CSMD1: variants seen among roughly 807,000 people sequenced by gnomAD.
CSMD1 encodes CUB and sushi domain-containing protein 1.
A neutral mutation model predicts 417.5 loss-of-function variants in CSMD1; 213 were observed. The observed-to-expected ratio is 0.51, with a 90% CI of 0.46 to 0.57. CSMD1 has a LOEUF of 0.57. Among genes scored for constraint, CSMD1 ranks in the 20% least tolerant of loss-of-function variants. CSMD1 has a pLI of 0.00. For synonymous variants in CSMD1, 2,862 were observed against 1,736.8 expected (o/e 1.65, Z -16.11); for missense variants, 6,923 against 4,529.7 (o/e 1.53, Z -15.17).
chr8:4,184,717 G>A (rs903637821), intron 3 of CSMD1, among the ~76,000 whole-genome samples: 1 of 152,086 alleles, frequency 6.6e-6, no homozygotes, highest in Non-Finnish European at 1.5e-5. Flanking sequence ...GAGGAGGGAG[G>A]GGACCGTGAA....
At chr8:3,109,402 T>G (rs184777680) in intron 43 of CSMD1, among the ~76,000 whole-genome samples, 2 of 152,356 alleles carry the variant, frequency 1.3e-5, no homozygotes, top group East Asian at 3.9e-4. Context: ...GCAGTTTCAT[T>G]GTGGTCAACC....
intron 4 of CSMD1, among the ~76,000 whole-genome samples, chr8:4,007,569 C>A (rs542209104): frequency 6.6e-6 from 1 of 152,298 alleles, no homozygotes; most frequent in African/African-American, 2.4e-5. Flanking sequence ...GCTTACCTCT[C>A]GGTGCGTGCT....
At chr8:3,379,111 A>C (rs924431767) in intron 18 of CSMD1, among the ~76,000 whole-genome samples, 3 of 152,212 alleles carry the variant, frequency 2.0e-5, no homozygotes, top group Non-Finnish European at 2.9e-5. Context: ...TAATAGACAA[A>C]CAGAGAGCCA....
chr8:4,921,502 T>A (rs1806497538), intron 1 of CSMD1, among the ~76,000 whole-genome samples: 1 of 152,258 alleles, frequency 6.6e-6, no homozygotes, highest in East Asian at 1.9e-4. Context: ...TATGTAAGTT[T>A]GTGATGTTGG....
chr8:3,084,020 T>G (rs1386352032), intron 49 of CSMD1, among the ~76,000 whole-genome samples: 1 of 152,084 alleles, frequency 6.6e-6, no homozygotes, highest in Non-Finnish European at 1.5e-5. Context: ...CAAATCTTTT[T>G]GTTGTTGTTG....
chr8:4,379,531 T>C (rs1249329981), intron 3 of CSMD1, among the ~76,000 whole-genome samples: 5 of 152,218 alleles, frequency 3.3e-5, no homozygotes, highest in African/African-American at 1.2e-4. Context: ...GTGAAGTATA[T>C]ATAGGATGTC....
chr8:4,954,937 T>C (rs1331754869), intron 1 of CSMD1, among the ~76,000 whole-genome samples: 3 of 152,216 alleles, frequency 2.0e-5, no homozygotes, highest in African/African-American at 7.2e-5. Flanking sequence ...AACATGTTTC[T>C]GTTTGTCTGT....
chr8:4,214,175 C>T (rs567239311), intron 3 of CSMD1, among the ~76,000 whole-genome samples: 1 of 152,068 alleles, frequency 6.6e-6, no homozygotes, highest in Non-Finnish European at 1.5e-5. Context: ...TAATTTAGCA[C>T]ATCTTTACAT....
rs1345457461 is a variant in CSMD1, at chr8:3,241,081, G to C, written c.4154-10850C>G. Among the ~76,000 whole-genome samples the C allele has an allele frequency of 2.0e-5, 3 of 150,894 alleles. No homozygotes were observed. The Admixed American group carries it at 2.0e-4, about 10-fold the overall frequency. On this transcript the variant is annotated intron_variant, in intron 26 of 69. Coordinates refer to ENST00000635120, the MANE Select transcript of CSMD1 (RefSeq NM_033225.6). ...TGGGTTAAGGTGAGGGGATACAAGA[G>C]GAGGACGCAACGGAGGCTTTGGATT... is the stretch of plus-strand genomic sequence containing the variant.
At chr8:4,556,317 T>C (rs561930209) in intron 2 of CSMD1, among the ~76,000 whole-genome samples, 11 of 152,310 alleles carry the variant, frequency 7.2e-5, no homozygotes, top group East Asian at 3.9e-4. Context: ...TAAAATAGTA[T>C]AGAATACCTA....
chr8:4,401,772 C>CGCA (rs1413553554), intron 3 of CSMD1, among the ~76,000 whole-genome samples: 3 of 152,070 alleles, frequency 2.0e-5, no homozygotes, highest in African/African-American at 7.2e-5. Context: ...ACATAGTCCC[C>CGCA]GCAGCCCTGT....
intron 1 of CSMD1, among the ~76,000 whole-genome samples, chr8:4,945,493 T>TA (rs113591837): frequency 0.089 from 13,179 of 148,526 alleles, 1,176 homozygotes; most frequent in African/African-American, 0.24. Flanking sequence ...CCAAGAGTTT[T>TA]AAAAAAACAA....
At position 3,635,432 on chromosome 8, in the gene CSMD1, C is replaced by A. The variant is rs555677041; in HGVS notation, c.1010-18635G>T. Among the ~76,000 whole-genome samples, 9 of 151,046 alleles carry A rather than the reference C, an allele frequency of 6.0e-5. No individual in the cohort carries two copies. In the East Asian group the frequency reaches 1.8e-3, roughly 30 times the overall value. ...CTGGGAGATGGAGCTTGCAGTGAGC[C>A]GAGAGTGCACCACTACACTCCAGCC... On this transcript the variant is annotated intron_variant, in intron 7 of 69. Transcript: ENST00000635120.
chr8:4,033,081 T>C (rs924192971), intron 3 of CSMD1, among the ~76,000 whole-genome samples: 7 of 148,520 alleles, frequency 4.7e-5, no homozygotes, highest in Non-Finnish European at 8.9e-5. Flanking sequence ...TCTCTATTGA[T>C]TCCATGTCTT....
chr8:3,659,482 G>C (rs7838695), intron 7 of CSMD1, among the ~76,000 whole-genome samples: 67,919 of 151,982 alleles, frequency 0.45, 16,265 homozygotes, highest in African/African-American at 0.62. Context: ...AAGCAGATGC[G>C]TTTCACTTAG....
intron 1 of CSMD1, among the ~76,000 whole-genome samples, chr8:4,941,342 T>C (rs1381512549): frequency 1.3e-5 from 2 of 152,184 alleles, no homozygotes; most frequent in Non-Finnish European, 2.9e-5. Flanking sequence ...AATAAATGTT[T>C]TGAGTACTAA....
chr8:3,809,057 C>G (rs1800912925), intron 5 of CSMD1, among the ~76,000 whole-genome samples: 3 of 152,124 alleles, frequency 2.0e-5, no homozygotes, highest in African/African-American at 2.4e-5. Flanking sequence ...TTTCCAACAG[C>G]CCCTGGGGAA....
In CSMD1 at chr8:3,450,472, C is replaced by T. The variant is rs569993495; in HGVS notation, c.1561+18240G>A. ...GCTATCCCTCCCCCCTCCCCACACC[C>T]CACAACAGGCCCTGGTGTGTGATGT... On this transcript the variant is annotated intron_variant, in intron 12 of 69. Transcript: ENST00000635120. Among the ~76,000 whole-genome samples the T allele has an allele frequency of 3.1e-3, 470 of 151,560 alleles. 4 individuals carry two copies. Among genetic ancestry groups the T allele is most frequent in the African/African-American group, 0.01 (424 of 41,054 alleles).
intron 3 of CSMD1, among the ~76,000 whole-genome samples, chr8:4,248,204 A>C (rs949508114): frequency 4.6e-5 from 7 of 152,270 alleles, no homozygotes; most frequent in East Asian, 3.9e-4. Flanking sequence ...ACATGACATG[A>C]CATGCCATTT....
Sources: gnomAD v4.1 joint callset for allele counts (sites outside exome capture counted in the v4.1 genomes callset) on GRCh38, gnomAD v4.1.1 for gene constraint, MANE v1.5 for transcripts, NCBI Gene and HGNC (gene_info 2026-07-23, HGNC 2026-07-21) for gene names.